The following ERBB4 variants were observed in gnomAD, a reference collection of about 807,000 sequenced individuals.
ERBB4 encodes erb-b2 receptor tyrosine kinase 4.
A neutral mutation model predicts 158.0 loss-of-function variants in ERBB4; 42 were observed. The observed-to-expected ratio is 0.27, with a 90% confidence interval of 0.21 to 0.34. The LOEUF (loss-of-function observed/expected upper bound fraction) is 0.34. ERBB4 is among the 10% of genes least tolerant of loss of function. The probability of loss-of-function intolerance (pLI) is 1.00; values close to 1 mark genes in which losing one functional copy is unlikely to be tolerated. For synonymous variants in ERBB4, 583 were observed against 558.7 expected (o/e 1.04, Z -0.61); for missense variants, 1,333 against 1,624.1 (o/e 0.82, Z 3.08).
chr2:212,468,178 C>T (rs544521120), intron 1 of ERBB4, among the ~76,000 whole-genome samples: 4 of 152,048 alleles, frequency 2.6e-5, no homozygotes, highest in Admixed American at 1.3e-4. Flanking sequence ...TCAGGTGAGA[C>T]GTTGGACTGT....
At chr2:212,348,883 A>C (rs568945674) in intron 1 of ERBB4, among the ~76,000 whole-genome samples, 1 of 152,276 alleles carries the variant, frequency 6.6e-6, no homozygotes. Flanking sequence ...TAGGCAAAGA[A>C]GTAGGAACTA....
intron 20 of ERBB4, among the ~76,000 whole-genome samples, chr2:211,471,936 AT>A (rs2064836758): frequency 1.3e-5 from 2 of 152,098 alleles, no homozygotes; most frequent in African/African-American, 4.8e-5. Context: ...GAGGCCAGGA[AT>A]TGAAGACCAG....
chr2:212,224,690 C>G (rs10172782), intron 1 of ERBB4, among the ~76,000 whole-genome samples: 81,713 of 151,584 alleles, frequency 0.54, 22,289 homozygotes, highest in East Asian at 0.77. Flanking sequence ...ATGGTGGCAG[C>G]CAACACGTAG....
intron 1 of ERBB4, among the ~76,000 whole-genome samples, chr2:212,470,330 T>TG (rs931031484): frequency 2.0e-5 from 3 of 151,662 alleles, no homozygotes; most frequent in Admixed American, 6.6e-5. Context: ...AGCTTTGAGG[T>TG]GAAAAAAAAA....
rs1051959270 is a variant in ERBB4, at chr2:211,531,777, G to A, written c.2487+30126C>T. Among the ~76,000 whole-genome samples, 4 of 152,066 alleles carry A rather than the reference G, an allele frequency of 2.6e-5. No individual in the cohort carries two copies. The East Asian group carries it at 7.7e-4, about 29-fold the overall frequency. On this transcript the variant is annotated intron_variant, in intron 20 of 27. Transcript: ENST00000342788. ...GGTTCCTCAAAAAACTAAAAATGGG[G>A]TGCCATATGATCTAGTCATCCCACT...
intron 1 of ERBB4, among the ~76,000 whole-genome samples, chr2:212,158,117 T>C (rs1391541660): frequency 6.6e-6 from 1 of 151,998 alleles, no homozygotes; most frequent in African/African-American, 2.4e-5. Flanking sequence ...ACTGAATCCT[T>C]TGAACAAATT....
intron 20 of ERBB4, among the ~76,000 whole-genome samples, chr2:211,494,020 C>T (rs1450282128): frequency 1.3e-5 from 2 of 152,068 alleles, no homozygotes; most frequent in Admixed American, 1.3e-4. Flanking sequence ...GCTACCCAGC[C>T]TTATTTCCCC....
At chr2:211,776,711 G>T (rs938502498) in intron 4 of ERBB4, among the ~76,000 whole-genome samples, 1 of 152,296 alleles carries the variant, frequency 6.6e-6, no homozygotes, top group South Asian at 2.1e-4. Context: ...GGAAATTCAG[G>T]TTCTTTAAAG....
intron 3 of ERBB4, among the ~76,000 whole-genome samples, chr2:211,873,888 CT>C (rs1384655609): frequency 2.0e-5 from 3 of 151,414 alleles, no homozygotes; most frequent in African/African-American, 7.3e-5. Flanking sequence ...GATACTCTGC[CT>C]TCAAAAATGT....
rs144358558 is a variant in ERBB4, at chr2:211,774,078, T to C, written c.556+13947A>G. Among the ~76,000 whole-genome samples the C allele has an allele frequency of 2.9e-3, 444 of 151,768 alleles. 4 individuals carry two copies. The highest frequency in any genetic ancestry group is 0.011 in the African/African-American group (435 of 41,366). On this transcript the variant is annotated intron_variant, in intron 4 of 27. Coordinates refer to ENST00000342788, the MANE Select transcript of ERBB4 (RefSeq NM_005235.3). Reference sequence around the variant, plus strand: ...CTCTGTGGTCACCCCAACCAATTTTTTTTTTTTTTCTTGAGATGGAGTCTC... The same window carrying C: ...CTCTGTGGTCACCCCAACCAATTTTCTTTTTTTTTCTTGAGATGGAGTCTC...
intron 1 of ERBB4, among the ~76,000 whole-genome samples, chr2:212,244,526 C>G (rs1237287022): frequency 6.6e-6 from 1 of 152,106 alleles, no homozygotes; most frequent in African/African-American, 2.4e-5. Flanking sequence ...CCATGCCCAT[C>G]TTAACCTGTT....
chr2:212,087,864 T>G (rs540435186), intron 2 of ERBB4, among the ~76,000 whole-genome samples: 1 of 152,218 alleles, frequency 6.6e-6, no homozygotes, highest in Non-Finnish European at 1.5e-5. Context: ...TTTGGGCAAT[T>G]TATTTAACCT....
At chr2:212,422,153 T>C (rs572298313) in intron 1 of ERBB4, among the ~76,000 whole-genome samples, 2 of 152,274 alleles carry the variant, frequency 1.3e-5, no homozygotes, top group South Asian at 4.1e-4. Context: ...TAATACATCA[T>C]CTGTCCTTAA....
chr2:212,049,736 C>T (rs2077350592), intron 2 of ERBB4, among the ~76,000 whole-genome samples: 1 of 152,110 alleles, frequency 6.6e-6, no homozygotes, highest in South Asian at 2.1e-4. Context: ...CATTGCTGGG[C>T]AGAATAACTG....
chr2:211,481,748 A>T (rs528946785), intron 20 of ERBB4, among the ~76,000 whole-genome samples: 145 of 152,224 alleles, frequency 9.5e-4, no homozygotes, highest in African/African-American at 3.3e-3. Context: ...ACACATCAGA[A>T]TTTCATTTGT....
At chr2:211,459,154 A>G (rs776922039) in intron 20 of ERBB4, among the ~76,000 whole-genome samples, 8 of 152,236 alleles carry the variant, frequency 5.3e-5, no homozygotes, top group Non-Finnish European at 7.3e-5. Flanking sequence ...CTGATTATAT[A>G]GCATGCATAT....
intron 13 of ERBB4, among the ~76,000 whole-genome samples, chr2:211,675,333 C>G (rs2072019784): frequency 6.6e-6 from 1 of 152,090 alleles, no homozygotes; most frequent in Non-Finnish European, 1.5e-5. Flanking sequence ...AAATCTAAAC[C>G]CCAGGACTGA....
At chr2:211,965,392 T>C (rs1267890665) in intron 2 of ERBB4, among the ~76,000 whole-genome samples, 1 of 152,194 alleles carries the variant, frequency 6.6e-6, no homozygotes, top group Non-Finnish European at 1.5e-5. Flanking sequence ...ATATTCATTT[T>C]TTAAATTATC....
At chr2:211,769,827 T>C (rs532003770) in intron 4 of ERBB4, among the ~76,000 whole-genome samples, 4 of 152,320 alleles carry the variant, frequency 2.6e-5, no homozygotes, top group African/African-American at 9.6e-5. Context: ...CATCTGCTCC[T>C]GTCTGTTTTA....
Sources: allele counts gnomAD v4.1 joint callset (sites outside exome capture counted in the v4.1 genomes callset), GRCh38; gene constraint gnomAD v4.1.1; transcripts MANE v1.5; gene names NCBI Gene and HGNC (gene_info 2026-07-23, HGNC 2026-07-21).